Variants in COPG2 observed in about 807,000 individuals in gnomAD.
COPG2 encodes the protein coat protein complex I subunit gamma 2.
In COPG2, 37 loss-of-function variants were observed where a neutral mutation model predicts 46.3. The observed-to-expected ratio is 0.80, with a 90% CI of 0.61 to 1.05. The LOEUF (loss-of-function observed/expected upper bound fraction) is 1.05. Among genes scored for constraint, COPG2 ranks in the 50% least tolerant of loss-of-function variants. The pLI is 0.00. For missense variants in COPG2, 427 were observed against 387.8 expected (o/e 1.10, Z -0.85); for synonymous variants, 159 against 129.7 (o/e 1.23, Z -1.53).
At chr7:130,551,615 G>A (rs1018109932) in intron 15 of COPG2, among the ~76,000 whole-genome samples, 3 of 152,156 alleles carry the variant, frequency 2.0e-5, no homozygotes, top group Admixed American at 2.0e-4. Context: ...GCAGTCTGGA[G>A]TCTTTTCTTC....
intron 15 of COPG2, 126 bp downstream of exon 15, chr7:130,552,229 C>T: frequency 2.5e-6 from 1 of 392,894 alleles, no homozygotes; most frequent in Non-Finnish European, 4.5e-6. Flanking sequence ...CCATTTGCCC[C>T]TGACTTGCTC....
chr7:130,656,037 TATACA>T (rs1554459871), intron 4 of COPG2, among the ~76,000 whole-genome samples: 2 of 152,304 alleles, frequency 1.3e-5, no homozygotes. Context: ...TATGGCTCAA[TATACA>T]ATCAACTTTT....
chr7:130,599,822 G>A (rs1794600809), intron 9 of COPG2, among the ~76,000 whole-genome samples: 1 of 152,116 alleles, frequency 6.6e-6, no homozygotes, highest in African/African-American at 2.4e-5. Flanking sequence ...AAGCATTTCT[G>A]GGGTACAAAG....
chr7:130,590,850 C>A (rs1305265266), intron 9 of COPG2, among the ~76,000 whole-genome samples: 1 of 151,780 alleles, frequency 6.6e-6, no homozygotes, highest in Admixed American at 6.6e-5. Context: ...ATGTGAGGAG[C>A]GTCTCTGCCC....
intron 5 of COPG2, among the ~76,000 whole-genome samples, chr7:130,637,179 G>T (rs1795355659): frequency 6.6e-6 from 1 of 152,098 alleles, no homozygotes; most frequent in Non-Finnish European, 1.5e-5. Flanking sequence ...TTCAACGTTG[G>T]TGAATCTGAC....
At chr7:130,532,754 C>A (rs1584965174) in intron 20 of COPG2, among the ~76,000 whole-genome samples, 1 of 152,094 alleles carries the variant, frequency 6.6e-6, no homozygotes, top group African/African-American at 2.4e-5. Flanking sequence ...GTCCCATAGC[C>A]TTGGCCACTG....
chr7:130,598,710 A>G (rs1204526049), intron 9 of COPG2, among the ~76,000 whole-genome samples: 2 of 152,226 alleles, frequency 1.3e-5, no homozygotes, highest in Non-Finnish European at 2.9e-5. Context: ...AATAAGCCCC[A>G]TCTTCTGTTC....
chr7:130,583,857 A>C (rs1480616848), intron 9 of COPG2, among the ~76,000 whole-genome samples: 4 of 150,354 alleles, frequency 2.7e-5, no homozygotes, highest in Non-Finnish European at 5.9e-5. Context: ...GACTTTTCAC[A>C]GAATTCACAG....
At chr7:130,543,618 T>G (rs1793379619) in intron 20 of COPG2, among the ~76,000 whole-genome samples, 1 of 152,178 alleles carries the variant, frequency 6.6e-6, no homozygotes, top group Non-Finnish European at 1.5e-5. Flanking sequence ...TTTTGAACAC[T>G]GGAGGTGGGT....
chr7:130,604,229 T>C (rs1447730552), intron 9 of COPG2, among the ~76,000 whole-genome samples: 2 of 152,180 alleles, frequency 1.3e-5, no homozygotes, highest in African/African-American at 4.8e-5. Context: ...ATGTAGGCAT[T>C]TCTGTTTGGT....
At chr7:130,649,454 G>C (rs967119223) in intron 5 of COPG2, among the ~76,000 whole-genome samples, 2 of 152,076 alleles carry the variant, frequency 1.3e-5, no homozygotes, top group African/African-American at 4.8e-5. Context: ...TCAACACTTT[G>C]CTTGGAAATC....
intron 5 of COPG2, chr7:130,645,108 A>T: frequency 2.4e-6 from 1 of 410,054 alleles, no homozygotes. Context: ...TTAAGCATCC[A>T]TTTTTTCAGG....
intron 5 of COPG2, among the ~76,000 whole-genome samples, chr7:130,627,684 G>T (rs1554454462): frequency 6.6e-6 from 1 of 150,394 alleles, no homozygotes; most frequent in African/African-American, 2.4e-5. Flanking sequence ...TGTTGTTCCT[G>T]CCTGGTGGTT....
intron 20 of COPG2, among the ~76,000 whole-genome samples, chr7:130,523,073 G>C (rs1290547710): frequency 8.0e-6 from 1 of 124,372 alleles, no homozygotes; most frequent in African/African-American, 3.1e-5. Context: ...AGCCGAGATC[G>C]CACCACTGCA....
At chr7:130,508,326 A>G (rs1186659894) in intron 21 of COPG2, 3 of 404,762 alleles carry the variant, frequency 7.4e-6, no homozygotes, top group African/African-American at 6.1e-5. Flanking sequence ...ATTATAAAGA[A>G]AAAAAAGGGT....
chr7:130,545,553 T>C (rs1469810263), intron 20 of COPG2, among the ~76,000 whole-genome samples: 3 of 152,166 alleles, frequency 2.0e-5, no homozygotes, highest in Non-Finnish European at 2.9e-5. Context: ...TTGCACAGCA[T>C]AGACTTTAGA....
At chr7:130,564,805 C>T (rs1793776569) in intron 9 of COPG2, among the ~76,000 whole-genome samples, 1 of 152,154 alleles carries the variant, frequency 6.6e-6, no homozygotes, top group South Asian at 2.1e-4. Flanking sequence ...GCCAAAATCT[C>T]ATCCCCAGAG....
chr7:130,528,188 T>C (rs1799791744), intron 20 of COPG2, among the ~76,000 whole-genome samples: 1 of 151,368 alleles, frequency 6.6e-6, no homozygotes, highest in Non-Finnish European at 1.5e-5. Context: ...ACCCGTGGGA[T>C]GTGGGGGAAG....
At chr7:130,603,643 C>T (rs1250716291) in intron 9 of COPG2, among the ~76,000 whole-genome samples, 1 of 150,908 alleles carries the variant, frequency 6.6e-6, no homozygotes, top group Non-Finnish European at 1.5e-5. Flanking sequence ...ATCAATTGAA[C>T]CCGGGAGGCA....
Sources: gnomAD v4.1 joint callset for allele counts (sites outside exome capture counted in the v4.1 genomes callset) on GRCh38, gnomAD v4.1.1 for gene constraint, MANE v1.5 for transcripts, NCBI Gene and HGNC (gene_info 2026-07-23, HGNC 2026-07-21) for gene names.